The following PCCA variants were observed in gnomAD, a reference collection of about 807,000 sequenced individuals.
PCCA encodes the protein propionyl-CoA carboxylase subunit alpha, also known as propionyl-CoA carboxylase alpha chain, mitochondrial.
PCCA carries 74 observed loss-of-function variants against 101.3 expected under a neutral mutation model. That is an observed-to-expected ratio of 0.73 (90% CI 0.61 to 0.89). The LOEUF (loss-of-function observed/expected upper bound fraction) is 0.89. Ranked by LOEUF, PCCA falls within the 40% of genes least tolerant of loss-of-function variation. The pLI is 0.00. For synonymous variants in PCCA, 294 were observed against 313.6 expected (o/e 0.94, Z 0.66); for missense variants, 891 against 907.0 (o/e 0.98, Z 0.23).
rs567577097 is a variant in PCCA, at chr13:100,464,275, C to T, written c.1899+14970C>T. Among the ~76,000 whole-genome samples the T allele has an allele frequency of 3.5e-4, 53 of 152,244 alleles. 1 individual carries two copies. In the South Asian group the frequency reaches 8.3e-3, roughly 24 times the overall value. On this transcript the variant is annotated intron_variant, in intron 21 of 23. Transcript: ENST00000376285. The stretch of plus-strand genomic sequence containing the variant: ...AGAGTTTGTCTTCCTGCATTTGAAT[C>T]GCAGATCACCTGTCTCTTAGCTTTG...
At chr13:100,285,986 A>C (rs2064600447) in intron 12 of PCCA, among the ~76,000 whole-genome samples, 1 of 152,124 alleles carries the variant, frequency 6.6e-6, no homozygotes, top group African/African-American at 2.4e-5. Flanking sequence ...CACCACCAAA[A>C]GTTGAGAAGG....
At chr13:100,523,756 G>A (rs962506142) in intron 22 of PCCA, among the ~76,000 whole-genome samples, 2 of 152,212 alleles carry the variant, frequency 1.3e-5, no homozygotes, top group South Asian at 2.1e-4. Flanking sequence ...ATTAGACAGG[G>A]AGCGGGGAGA....
chr13:100,419,244 G>C (rs1257234241), intron 19 of PCCA, among the ~76,000 whole-genome samples: 1 of 152,014 alleles, frequency 6.6e-6, no homozygotes, highest in Non-Finnish European at 1.5e-5. Flanking sequence ...GGCCGAGGTG[G>C]GTGGATCACT....
chr13:100,516,375 G>C (rs2086830438), intron 22 of PCCA, among the ~76,000 whole-genome samples: 1 of 152,200 alleles, frequency 6.6e-6, no homozygotes, highest in African/African-American at 2.4e-5. Flanking sequence ...AGTGCCTCCT[G>C]ATTTCTCAAT....
intron 15 of PCCA, among the ~76,000 whole-genome samples, 170 bp downstream of exon 15, chr13:100,307,430 C>T (rs975465976): frequency 2.6e-5 from 4 of 152,118 alleles, no homozygotes; most frequent in African/African-American, 7.2e-5. Flanking sequence ...GAAAATTCAG[C>T]GTTATGTTAG....
chr13:100,389,847 C>T (rs1351614881), intron 19 of PCCA, among the ~76,000 whole-genome samples: 9 of 152,270 alleles, frequency 5.9e-5, no homozygotes, highest in Admixed American at 5.2e-4. Context: ...AGTGCCAGCC[C>T]TGAACCTGGT....
intron 17 of PCCA, among the ~76,000 whole-genome samples, chr13:100,334,667 CACT>C (rs1405430529): frequency 6.6e-6 from 1 of 152,086 alleles, no homozygotes; most frequent in Non-Finnish European, 1.5e-5. Flanking sequence ...GTAGGATGGT[CACT>C]ACTAAGATCC....
At chr13:100,241,656 G>T (rs976199710) in intron 8 of PCCA, among the ~76,000 whole-genome samples, 1 of 151,922 alleles carries the variant, frequency 6.6e-6, no homozygotes, top group East Asian at 1.9e-4. Flanking sequence ...TTTGTAGTGG[G>T]TTTTCACCAT....
chr13:100,490,872 G>A (rs1309653732), intron 21 of PCCA: 1 of 152,330 alleles, frequency 6.6e-6, no homozygotes, highest in Admixed American at 6.5e-5. Context: ...CACTCAGGGT[G>A]GTTTCAAATG....
chr13:100,230,989 G>T (rs777332943), intron 7 of PCCA, among the ~76,000 whole-genome samples: 2 of 152,040 alleles, frequency 1.3e-5, no homozygotes, highest in Non-Finnish European at 2.9e-5. Flanking sequence ...CCTTCCCCTC[G>T]CCTCTCTCTT....
intron 8 of PCCA, among the ~76,000 whole-genome samples, chr13:100,242,707 A>G (rs577020885): frequency 1.3e-5 from 2 of 152,360 alleles, no homozygotes; most frequent in South Asian, 4.1e-4. Flanking sequence ...AGTGTTGCCC[A>G]TGACTCGCAA....
At chr13:100,458,440 T>TACACACACAC (rs777836240) in intron 21 of PCCA, among the ~76,000 whole-genome samples, 16 of 118,838 alleles carry the variant, frequency 1.3e-4, no homozygotes, top group African/African-American at 2.4e-4. Context: ...CACACACACA[T>TACACACACAC]ACACACACAC....
At chr13:100,523,830 A>C (rs561211366) in intron 22 of PCCA, among the ~76,000 whole-genome samples, 4 of 152,246 alleles carry the variant, frequency 2.6e-5, no homozygotes, top group Non-Finnish European at 1.5e-5. Context: ...TGTAAGCCCA[A>C]CATTGGAGAC....
intron 4 of PCCA, among the ~76,000 whole-genome samples, chr13:100,127,361 T>C (rs2050056237): frequency 6.6e-6 from 1 of 152,202 alleles, no homozygotes; most frequent in East Asian, 1.9e-4. Context: ...TTTTTACTTA[T>C]ACTAAAATTT....
At chr13:100,248,341 C>G (rs914105521) in intron 8 of PCCA, among the ~76,000 whole-genome samples, 1 of 152,066 alleles carries the variant, frequency 6.6e-6, no homozygotes, top group Non-Finnish European at 1.5e-5. Flanking sequence ...ATGTCCCCTT[C>G]CCATTCCTCC....
At chr13:100,153,383 A>G (rs925994955) in intron 4 of PCCA, among the ~76,000 whole-genome samples, 6 of 152,260 alleles carry the variant, frequency 3.9e-5, no homozygotes, top group African/African-American at 1.2e-4. Flanking sequence ...AAATTGAAGT[A>G]CTTGGGAAAG....
chr13:100,360,129 G>A (rs2074407039), intron 18 of PCCA, among the ~76,000 whole-genome samples: 1 of 152,084 alleles, frequency 6.6e-6, no homozygotes, highest in Non-Finnish European at 1.5e-5. Context: ...CACATCTTAA[G>A]TGGATGGCAG....
intron 22 of PCCA, among the ~76,000 whole-genome samples, chr13:100,516,865 CATT>C: frequency 6.6e-6 from 1 of 151,836 alleles, no homozygotes; most frequent in East Asian, 1.9e-4. Flanking sequence ...TTGCACGTGA[CATT>C]ATCAGAGCTG....
intron 20 of PCCA, among the ~76,000 whole-genome samples, chr13:100,446,094 C>G (rs2080807098): frequency 6.6e-6 from 1 of 152,166 alleles, no homozygotes; most frequent in African/African-American, 2.4e-5. Context: ...GGCTGGAGTG[C>G]TTTGGCACAG....
Sources: allele counts gnomAD v4.1 joint callset (sites outside exome capture counted in the v4.1 genomes callset), GRCh38; gene constraint gnomAD v4.1.1; transcripts MANE v1.5; gene names NCBI Gene and HGNC (gene_info 2026-07-23, HGNC 2026-07-21).